Variants in MCC observed in about 807,000 individuals in gnomAD.
MCC encodes MCC regulator of Wnt signaling pathway.
MCC carries 90 observed loss-of-function variants against 116.2 expected under a neutral mutation model. The observed-to-expected ratio is 0.77, with a 90% CI of 0.65 to 0.92. The LOEUF (loss-of-function observed/expected upper bound fraction) is 0.92. Among genes scored for constraint, MCC ranks in the 40% least tolerant of loss-of-function variants. The probability of loss-of-function intolerance (pLI) is 0.00; values close to 1 mark genes in which losing one functional copy is unlikely to be tolerated. For missense variants in MCC, 1,516 were observed against 1,312.2 expected, an observed-to-expected ratio of 1.16 and a Z score of -2.40; for synonymous variants, 578 against 510.5, an observed-to-expected ratio of 1.13 and a Z score of -1.78.
At chr5:113,121,152 T>A (rs1757712221) in intron 6 of MCC, among the ~76,000 whole-genome samples, 1 of 152,218 alleles carries the variant, frequency 6.6e-6, no homozygotes, top group Non-Finnish European at 1.5e-5. Context: ...GCCACCACCC[T>A]AATCTGAGCA....
chr5:113,049,166 A>G lies in MCC; in HGVS notation c.2582T>C (p.Val861Ala). 2 of 1,614,174 alleles carry G rather than the reference A, an allele frequency of 1.2e-6. No individual in the cohort carries two copies. Among genetic ancestry groups the G allele is most frequent in the Non-Finnish European group, 8.5e-7 (1 of 1,180,030 alleles). The change falls in exon 16 of 19, where the codon GTG becomes GCG. Residue 861 changes from valine to alanine, a missense_variant. Transcript: ENST00000408903. Reference protein sequence around the residue: ...LVHIEHLKSEVEEQKEQRMRS... With the variant: ...LVHIEHLKSEAEEQKEQRMRS... ...CATCCGCTGCTCCTTCTGCTCCTCCACCTCGGACTTCAGGTGCTCAATGTG... is the reference window on the plus strand; with the variant it reads ...CATCCGCTGCTCCTTCTGCTCCTCCGCCTCGGACTTCAGGTGCTCAATGTG...
chr5:113,104,221 C>T lies in MCC; in HGVS notation c.1162G>A (p.Ala388Thr). Reference protein sequence around the residue: ...VDKHIEQLTTASEHCDLAIKT... With the variant: ...VDKHIEQLTTTSEHCDLAIKT... ...ATAGCCAGGTCACAGTGCTCGCTGG[C>T]TGTGGTGAGCTGCTCAATGTGCTTG... is the stretch of plus-strand genomic sequence containing the variant. Residue 388 changes from alanine to threonine, a missense_variant, in exon 7 of 19, where the codon GCC becomes ACC. Transcript: ENST00000408903. 1.2e-6 allele frequency: 2 copies of T among 1,613,532 alleles called. No individual in the cohort carries two copies. The highest frequency in any genetic ancestry group is 1.7e-6 in the Non-Finnish European group (2 of 1,179,740).
intron 6 of MCC, among the ~76,000 whole-genome samples, chr5:113,121,020 G>C (rs1015263778): frequency 6.6e-6 from 1 of 152,186 alleles, no homozygotes; most frequent in African/African-American, 2.4e-5. Context: ...ATTGGCGAAT[G>C]GCCCTGTTAT....
intron 3 of MCC, among the ~76,000 whole-genome samples, chr5:113,265,462 C>G (rs1765385779): frequency 6.6e-6 from 1 of 152,138 alleles, no homozygotes; most frequent in African/African-American, 2.4e-5. Context: ...TAACTTAGTC[C>G]CGTACTTAGA....
intron 18 of MCC, among the ~76,000 whole-genome samples, chr5:113,027,865 G>A (rs1290075040): frequency 6.6e-6 from 1 of 152,214 alleles, no homozygotes; most frequent in African/African-American, 2.4e-5. Flanking sequence ...TTACAGGAGA[G>A]TACTCCTAAG....
At chr5:113,092,552 C>T (rs186158802) in intron 8 of MCC, among the ~76,000 whole-genome samples, 107 of 152,270 alleles carry the variant, frequency 7.0e-4, no homozygotes, top group Admixed American at 1.9e-3. Context: ...CAGCTATTAT[C>T]AAGAGTGTGG....
chr5:113,359,391 CA>C (rs1768492191), intron 2 of MCC, among the ~76,000 whole-genome samples: 1 of 152,240 alleles, frequency 6.6e-6, no homozygotes, highest in Non-Finnish European at 1.5e-5. Context: ...GTGAGTTCAG[CA>C]ATCCTTGATG....
Position 113,122,767 on chromosome 5 carries a change from T to G in MCC, c.944A>C (p.Asn315Thr), listed in dbSNP as rs1031284793. The G allele has an allele frequency of 6.2e-7, 1 of 1,614,192 alleles. No homozygotes were observed. The highest frequency in any genetic ancestry group is 2.2e-5 in the East Asian group (1 of 44,884). Residue 315 changes from asparagine to threonine, a missense_variant, in exon 6 of 19, where the codon AAC becomes ACC. Coordinates refer to ENST00000408903, the MANE Select transcript of MCC (RefSeq NM_001085377.2). ...TTGGTCCATGCTTCGAGAGTCCTCG[T>G]TGACCTCGTGTTGGCTCTGGCTGAG... ...SELSQSQHEVNEDSRSMDQDQ... is the reference protein window; with the variant it reads ...SELSQSQHEVTEDSRSMDQDQ...
intron 1 of MCC, among the ~76,000 whole-genome samples, chr5:113,467,057 TG>T (rs1268838787): frequency 6.6e-6 from 1 of 150,458 alleles, no homozygotes; most frequent in Non-Finnish European, 1.5e-5. Flanking sequence ...TAAATTTGTT[TG>T]AGTTCATTGT....
At chr5:113,035,923 C>T (rs908743831) in intron 17 of MCC, among the ~76,000 whole-genome samples, 1 of 151,524 alleles carries the variant, frequency 6.6e-6, no homozygotes, top group East Asian at 1.9e-4. Flanking sequence ...ACAGCTGTCT[C>T]TAAGTCCTTT....
At chr5:113,122,496 A>G (rs1169605333) in intron 6 of MCC, among the ~76,000 whole-genome samples, 188 bp downstream of exon 6, 2 of 152,264 alleles carry the variant, frequency 1.3e-5, no homozygotes, top group Non-Finnish European at 2.9e-5. Context: ...ATTGTATCAG[A>G]GCAGAAAGCT....
At chr5:113,227,931 C>T (rs770434082) in intron 3 of MCC, among the ~76,000 whole-genome samples, 3 of 152,156 alleles carry the variant, frequency 2.0e-5, no homozygotes, top group African/African-American at 4.8e-5. Flanking sequence ...CATTCTTGGA[C>T]CAATGCATCC....
chr5:113,302,410 T>C (rs1202401062), intron 3 of MCC, among the ~76,000 whole-genome samples: 1 of 152,180 alleles, frequency 6.6e-6, no homozygotes, highest in Non-Finnish European at 1.5e-5. Flanking sequence ...CCAATGGCAA[T>C]ATGTGGACTT....
intron 2 of MCC, among the ~76,000 whole-genome samples, chr5:113,380,526 A>ATTC (rs60598531): frequency 7.2e-5 from 11 of 152,118 alleles, no homozygotes; most frequent in Non-Finnish European, 1.6e-4. Context: ...TCATTCATTC[A>ATTC]ACAAACATGC....
chr5:113,077,909 G>A (rs933010226), intron 11 of MCC, among the ~76,000 whole-genome samples: 4 of 139,846 alleles, frequency 2.9e-5, no homozygotes, highest in Non-Finnish European at 6.1e-5. Context: ...TAGACCGCTA[G>A]CAAGACTAAT....
At chr5:113,379,654 A>G (rs965611660) in intron 2 of MCC, among the ~76,000 whole-genome samples, 2 of 152,236 alleles carry the variant, frequency 1.3e-5, no homozygotes, top group African/African-American at 2.4e-5. Context: ...TGCTACAAGT[A>G]TTAAATTGTA....
intron 3 of MCC, among the ~76,000 whole-genome samples, chr5:113,321,051 C>T (rs1767411593): frequency 1.3e-5 from 2 of 152,200 alleles, no homozygotes; most frequent in African/African-American, 4.8e-5. Flanking sequence ...CCACTACACA[C>T]TTGTGGTTCA....
At chr5:113,062,766 G>A (rs1753310187) in intron 14 of MCC, among the ~76,000 whole-genome samples, 1 of 152,242 alleles carries the variant, frequency 6.6e-6, no homozygotes, top group African/African-American at 2.4e-5. Flanking sequence ...GCACCTGGCT[G>A]AGTGCATTAC....
intron 15 of MCC, among the ~76,000 whole-genome samples, chr5:113,052,492 G>T (rs1561756882): frequency 1.3e-5 from 2 of 152,102 alleles, no homozygotes; most frequent in Non-Finnish European, 2.9e-5. Flanking sequence ...TAAGATTCCT[G>T]TATCTGTTAC....
Sources: gnomAD v4.1 joint callset for allele counts (sites outside exome capture counted in the v4.1 genomes callset) on GRCh38, gnomAD v4.1.1 for gene constraint, MANE v1.5 for transcripts, NCBI Gene and HGNC (gene_info 2026-07-23, HGNC 2026-07-21) for gene names.